Variants in PARD3B observed in about 807,000 individuals in gnomAD.
PARD3B encodes par-3 family cell polarity regulator beta.
A neutral mutation model predicts 130.2 loss-of-function variants in PARD3B; 103 were observed. The observed-to-expected ratio is 0.79, with a 90% confidence interval of 0.67 to 0.93. The LOEUF is 0.93. PARD3B is among the 40% of genes least tolerant of loss of function. PARD3B has a pLI of 0.00. For missense variants in PARD3B, 1,609 were observed against 1,499.2 expected (o/e 1.07, Z -1.21); for synonymous variants, 583 against 553.2 (o/e 1.05, Z -0.76).
At chr2:204,564,658 C>G (rs574979083) in intron 1 of PARD3B, among the ~76,000 whole-genome samples, 2 of 152,174 alleles carry the variant, frequency 1.3e-5, no homozygotes, top group East Asian at 3.9e-4. Context: ...AACCATAGCA[C>G]TATATACCAT....
chr2:204,639,874 G>A (rs911927288), intron 1 of PARD3B, among the ~76,000 whole-genome samples: 6 of 152,160 alleles, frequency 3.9e-5, no homozygotes, highest in African/African-American at 2.4e-5. Flanking sequence ...CCTGAGTGGT[G>A]CATGTGACAT....
chr2:205,440,343 C>G lies in PARD3B; in HGVS notation c.2742-27C>G. Reference sequence around the variant, plus strand: ...ATTATTATATGAAACTCACATACATCTTTGCTACCTGTACTGTATTTTTCA... The same window carrying G: ...ATTATTATATGAAACTCACATACATGTTTGCTACCTGTACTGTATTTTTCA... On this transcript the variant is annotated intron_variant, in intron 19 of 22. Coordinates refer to ENST00000406610, the MANE Select transcript of PARD3B (RefSeq NM_001302769.2). The surrounding 1 kb of genome is among the most constrained non-coding windows in gnomAD (Gnocchi z 4.2). The G allele has an allele frequency of 6.2e-7, 1 of 1,601,042 alleles. No homozygotes were observed. Among genetic ancestry groups the G allele is most frequent in the Non-Finnish European group, 8.5e-7 (1 of 1,169,672 alleles).
chr2:204,709,688 C>G (rs1454825482), intron 2 of PARD3B, among the ~76,000 whole-genome samples: 1 of 152,008 alleles, frequency 6.6e-6, no homozygotes, highest in Non-Finnish European at 1.5e-5. Flanking sequence ...AGGTTAGGCC[C>G]CAATTTTCTG....
chr2:204,817,465 C>T (rs930810920), intron 2 of PARD3B, among the ~76,000 whole-genome samples: 2 of 152,136 alleles, frequency 1.3e-5, no homozygotes, highest in African/African-American at 4.8e-5. Flanking sequence ...CAATACCCTT[C>T]TGTGTACTCT....
chr2:204,679,633 A>G (rs908755050), intron 1 of PARD3B, among the ~76,000 whole-genome samples: 1 of 151,900 alleles, frequency 6.6e-6, no homozygotes, highest in Non-Finnish European at 1.5e-5. Flanking sequence ...ATTCATAAGT[A>G]TTTGATTTTA....
intron 2 of PARD3B, among the ~76,000 whole-genome samples, chr2:204,775,013 T>C (rs1263276198): frequency 6.6e-6 from 1 of 152,164 alleles, no homozygotes; most frequent in East Asian, 1.9e-4. Context: ...AAAATGCCAA[T>C]GTACATCCTC....
chr2:204,975,632 G>A (rs1419063495), intron 3 of PARD3B, among the ~76,000 whole-genome samples: 1 of 152,112 alleles, frequency 6.6e-6, no homozygotes. Context: ...ATTACTGATT[G>A]GAAACCCATT....
In PARD3B at chr2:205,562,282, T is replaced by C. The variant is rs1263470522; in HGVS notation, c.3260+8879T>C. Among the ~76,000 whole-genome samples the C allele has an allele frequency of 6.6e-6, 1 of 152,226 alleles. No homozygotes were observed. The highest frequency in any genetic ancestry group is 1.5e-5 in the Non-Finnish European group (1 of 68,042). On this transcript the variant is annotated intron_variant, in intron 22 of 22. Coordinates refer to ENST00000406610, the MANE Select transcript of PARD3B (RefSeq NM_001302769.2). The surrounding 1 kb of genome is among the most constrained non-coding windows in gnomAD (Gnocchi z 5.4). ...GATATTAATTATTCAGTCAAAGGCC[T>C]CCATTATGAGTTTAGTTAGAATATT...
chr2:205,214,428 G>A (rs2037805662), intron 15 of PARD3B, among the ~76,000 whole-genome samples: 1 of 150,816 alleles, frequency 6.6e-6, no homozygotes, highest in Non-Finnish European at 1.5e-5. Context: ...AATATTTAGA[G>A]ATTTTGTTCA....
intron 22 of PARD3B, among the ~76,000 whole-genome samples, chr2:205,570,808 C>T (rs1223758571): frequency 6.6e-6 from 1 of 152,144 alleles, no homozygotes; most frequent in Non-Finnish European, 1.5e-5. Context: ...AAATAACATC[C>T]TGTTCTCATC....
intron 2 of PARD3B, among the ~76,000 whole-genome samples, chr2:204,964,227 G>C (rs1291238867): frequency 6.6e-6 from 1 of 152,112 alleles, no homozygotes; most frequent in Non-Finnish European, 1.5e-5. Flanking sequence ...ACTCACATTT[G>C]GACTTTTCTA....
intron 2 of PARD3B, among the ~76,000 whole-genome samples, chr2:204,950,135 A>G (rs1054436881): frequency 1.3e-5 from 2 of 152,234 alleles, no homozygotes; most frequent in African/African-American, 4.8e-5. Flanking sequence ...GAAGATGCTG[A>G]TGTTTTACTG....
intron 16 of PARD3B, among the ~76,000 whole-genome samples, chr2:205,282,376 A>G (rs1038571142): frequency 4.6e-5 from 7 of 151,802 alleles, no homozygotes; most frequent in Non-Finnish European, 5.9e-5. Flanking sequence ...GCCTTTTAAG[A>G]AGCCAGGTAC....
chr2:205,584,343 A>G lies in PARD3B; in HGVS notation c.3260+30940A>G, dbSNP rs1404279034. On this transcript the variant is annotated intron_variant, in intron 22 of 22. Coordinates refer to ENST00000406610, the MANE Select transcript of PARD3B (RefSeq NM_001302769.2). The surrounding 1 kb of genome is among the most constrained non-coding windows in gnomAD (Gnocchi z 5.5). ...GGGTTAAGTAAAATAAATTATTAAA[A>G]TTAGTTTTACTTTTGAATGTGGATA... Among the ~76,000 whole-genome samples the G allele has an allele frequency of 6.6e-6, 1 of 152,210 alleles. No homozygotes were observed. Among genetic ancestry groups the G allele is most frequent in the Admixed American group, 6.5e-5 (1 of 15,278 alleles).
chr2:204,916,468 A>C (rs2047449445), intron 2 of PARD3B, among the ~76,000 whole-genome samples: 1 of 152,224 alleles, frequency 6.6e-6, no homozygotes, highest in Non-Finnish European at 1.5e-5. Context: ...TGGATAAAGT[A>C]ATATAAGAAC....
In PARD3B at chr2:205,090,534, G is replaced by A. The variant is rs75026077; in HGVS notation, c.505-13892G>A. 4.0e-3 allele frequency among the ~76,000 whole-genome samples: 614 copies of A among 152,318 alleles called. 4 individuals carry two copies. The highest frequency in any genetic ancestry group is 0.014 in the African/African-American group (590 of 41,568). On this transcript the variant is annotated intron_variant, in intron 4 of 22. Coordinates refer to ENST00000406610, the MANE Select transcript of PARD3B (RefSeq NM_001302769.2). ...AAGGAGTGCTGGCCCACATTCCTCT[G>A]CTAGGGAGTATGGTGCTGCAGTCAG...
Position 204,670,061 on chromosome 2 carries a change from T to C in PARD3B, c.121-16120T>C, listed in dbSNP as rs193107468. Among the ~76,000 whole-genome samples the C allele has an allele frequency of 4.5e-4, 69 of 152,192 alleles. 1 individual carries two copies. The East Asian group carries it at 0.013, about 29-fold the overall frequency. On this transcript the variant is annotated intron_variant, in intron 1 of 22. Transcript: ENST00000406610. ...AAATGCTTATTATTTAGAGAAAAGGTGTTAAAATTCAAAAAGACTAAAAGA... is the reference window on the plus strand; with the variant it reads ...AAATGCTTATTATTTAGAGAAAAGGCGTTAAAATTCAAAAAGACTAAAAGA...
chr2:205,578,763 T>C (rs1221936258), intron 22 of PARD3B, among the ~76,000 whole-genome samples: 2 of 152,356 alleles, frequency 1.3e-5, no homozygotes, highest in East Asian at 1.9e-4. Flanking sequence ...GTCATTATTA[T>C]ATAGATTCTT....
chr2:205,374,651 C>G (rs1045078080), intron 18 of PARD3B, among the ~76,000 whole-genome samples: 3 of 151,960 alleles, frequency 2.0e-5, no homozygotes, highest in African/African-American at 7.3e-5. Flanking sequence ...ATTTTTTACC[C>G]CGTTACAGTC....
Sources: allele counts gnomAD v4.1 joint callset (sites outside exome capture counted in the v4.1 genomes callset), GRCh38; gene constraint gnomAD v4.1.1; non-coding constraint Gnocchi (gnomAD v3.1); transcripts MANE v1.5; gene names NCBI Gene and HGNC (gene_info 2026-07-23, HGNC 2026-07-21).